The following MGMT variants were observed in gnomAD, a reference collection of about 807,000 sequenced individuals.
MGMT encodes methylated-DNA--protein-cysteine methyltransferase.
Under a neutral mutation model 15.9 loss-of-function variants are expected in MGMT, and 14 were observed. That is an observed-to-expected ratio of 0.88 (90% CI 0.58 to 1.37). The LOEUF (loss-of-function observed/expected upper bound fraction) is 1.37. Ranked by LOEUF, MGMT falls within the 40% of genes most tolerant of loss-of-function variation. The pLI, the probability that MGMT is intolerant of heterozygous loss-of-function variation, is 0.00. For missense variants in MGMT, 282 were observed against 268.1 expected (o/e 1.05, Z -0.36); for synonymous variants, 130 against 118.2 (o/e 1.10, Z -0.65).
At chr10:129,496,336 A>G (rs1052939785) in intron 1 of MGMT, among the ~76,000 whole-genome samples, 1 of 152,148 alleles carries the variant, frequency 6.6e-6, no homozygotes, top group Non-Finnish European at 1.5e-5. Flanking sequence ...CATAGGCTCC[A>G]ATAACAATAA....
intron 2 of MGMT, among the ~76,000 whole-genome samples, chr10:129,539,838 C>A (rs1193543968): frequency 6.6e-6 from 1 of 152,184 alleles, no homozygotes; most frequent in Non-Finnish European, 1.5e-5. Flanking sequence ...TAATGTGAGT[C>A]CATGAATCCT....
At chr10:129,627,243 G>A (rs753139652) in intron 2 of MGMT, among the ~76,000 whole-genome samples, 4 of 152,160 alleles carry the variant, frequency 2.6e-5, no homozygotes, top group Non-Finnish European at 5.9e-5. Context: ...TTTTTCTCAC[G>A]TGGATCAGTC....
At chr10:129,485,589 A>T (rs1172504244) in intron 1 of MGMT, among the ~76,000 whole-genome samples, 2 of 152,236 alleles carry the variant, frequency 1.3e-5, no homozygotes, top group African/African-American at 4.8e-5. Flanking sequence ...GGAAATGCTT[A>T]TTGGAGCATT....
At chr10:129,577,962 G>A (rs1414937346) in intron 2 of MGMT, among the ~76,000 whole-genome samples, 2 of 152,200 alleles carry the variant, frequency 1.3e-5, no homozygotes, top group East Asian at 1.9e-4. Context: ...TCAGAGAAAT[G>A]CAACTCAAAA....
chr10:129,587,922 A>G (rs923875524), intron 2 of MGMT, among the ~76,000 whole-genome samples: 3 of 152,110 alleles, frequency 2.0e-5, no homozygotes, highest in Admixed American at 2.0e-4. Context: ...TTTATATGCA[A>G]ATGTTACCTG....
rs1848976808 is a variant in MGMT at position 129,769,471 on chromosome 10, C to G, written c.*2474C>G. On this transcript the variant is annotated 3_prime_UTR_variant, in exon 5 of 5. Transcript: ENST00000651593. Reference sequence around the variant, plus strand: ...GTTCTTCAGCCTTGGCCCTGGGTCCCCCTCACCCTGTCGCATTTCCCAGCA... The same window carrying G: ...GTTCTTCAGCCTTGGCCCTGGGTCCGCCTCACCCTGTCGCATTTCCCAGCA... 6.6e-6 allele frequency: 1 copy of G among 152,140 alleles called. No homozygotes were observed. Among genetic ancestry groups the G allele is most frequent in the South Asian group, 2.1e-4 (1 of 4,804 alleles). 9.4% of individuals were successfully genotyped at this position (152,140 alleles called of 1,614,324 possible).
At chr10:129,607,130 G>A (rs1846901013) in intron 2 of MGMT, among the ~76,000 whole-genome samples, 3 of 152,122 alleles carry the variant, frequency 2.0e-5, no homozygotes, top group East Asian at 3.9e-4. Context: ...TTACAAGGGA[G>A]TAACTTCTTG....
intron 2 of MGMT, among the ~76,000 whole-genome samples, chr10:129,625,632 C>T (rs1847138129): frequency 6.6e-6 from 1 of 152,164 alleles, no homozygotes; most frequent in Admixed American, 6.5e-5. Flanking sequence ...AAGCATTTGA[C>T]AAATTTCAAC....
intron 2 of MGMT, among the ~76,000 whole-genome samples, chr10:129,570,475 G>T (rs1490348026): frequency 6.6e-6 from 1 of 152,230 alleles, no homozygotes; most frequent in Non-Finnish European, 1.5e-5. Flanking sequence ...ATCCGGAGAG[G>T]GACCTACAAA....
chr10:129,686,273 A>G (rs1847903577), intron 2 of MGMT, among the ~76,000 whole-genome samples: 1 of 151,980 alleles, frequency 6.6e-6, no homozygotes, highest in South Asian at 2.1e-4. Flanking sequence ...GAAAAAAAAA[A>G]GAGATCCCTA....
At chr10:129,669,016 T>C (rs1158584075) in intron 2 of MGMT, among the ~76,000 whole-genome samples, 1 of 152,188 alleles carries the variant, frequency 6.6e-6, no homozygotes, top group Admixed American at 6.5e-5. Flanking sequence ...AATATTTAAA[T>C]ATATATAATC....
chr10:129,634,549 C>T (rs1374398488), intron 2 of MGMT, among the ~76,000 whole-genome samples: 1 of 152,018 alleles, frequency 6.6e-6, no homozygotes, highest in Non-Finnish European at 1.5e-5. Flanking sequence ...TCTCTGTCCT[C>T]ATTTTGTGTA....
chr10:129,647,447 C>T (rs993136156), intron 2 of MGMT, among the ~76,000 whole-genome samples: 4 of 152,146 alleles, frequency 2.6e-5, no homozygotes, highest in African/African-American at 9.7e-5. Flanking sequence ...TTAGGAAATG[C>T]GCTAGGGGGT....
At chr10:129,537,596 GA>G (rs1564845799) in intron 2 of MGMT, among the ~76,000 whole-genome samples, 1 of 151,950 alleles carries the variant, frequency 6.6e-6, no homozygotes, top group Non-Finnish European at 1.5e-5. Context: ...GGTACAAAGT[GA>G]ATTTGGGGAA....
chr10:129,701,137 C>G (rs1246239935), intron 2 of MGMT: 1 of 152,232 alleles, frequency 6.6e-6, no homozygotes, highest in Non-Finnish European at 1.5e-5. Flanking sequence ...CACCAGTTTC[C>G]GTGCAACCTC....
intron 1 of MGMT, chr10:129,467,497 C>G (rs1016635323): frequency 1.3e-5 from 12 of 891,268 alleles, no homozygotes; most frequent in African/African-American, 3.6e-5. Flanking sequence ...CCTGGGGTTC[C>G]TGGACTAGGC....
chr10:129,487,037 G>A (rs1009200293), intron 1 of MGMT, among the ~76,000 whole-genome samples: 1 of 152,154 alleles, frequency 6.6e-6, no homozygotes, highest in Admixed American at 6.5e-5. Context: ...CAATCAACTA[G>A]GGCTGTCTTT....
intron 2 of MGMT, among the ~76,000 whole-genome samples, chr10:129,632,464 G>A (rs1213459617): frequency 3.6e-5 from 5 of 139,864 alleles, no homozygotes; most frequent in Admixed American, 1.4e-4. Context: ...GTGAGACTTC[G>A]CCAGTACGGG....
chr10:129,681,619 G>T (rs1847853574), intron 2 of MGMT, among the ~76,000 whole-genome samples: 1 of 152,206 alleles, frequency 6.6e-6, no homozygotes, highest in Non-Finnish European at 1.5e-5. Flanking sequence ...CTTGAACTCT[G>T]TGGGTCCACT....
Sources: gnomAD v4.1 joint callset for allele counts (sites outside exome capture counted in the v4.1 genomes callset) on GRCh38, gnomAD v4.1.1 for gene constraint, MANE v1.5 for transcripts, NCBI Gene and HGNC (gene_info 2026-07-23, HGNC 2026-07-21) for gene names.